The following PDZRN3 variants were observed in gnomAD, a reference collection of about 807,000 sequenced individuals.
PDZRN3 encodes the protein PDZ domain containing ring finger 3.
In PDZRN3, 38 loss-of-function variants were observed where a neutral mutation model predicts 85.7. That is an observed-to-expected ratio of 0.44 (90% CI 0.34 to 0.58). The LOEUF (loss-of-function observed/expected upper bound fraction) is 0.58, where lower values mean the gene tolerates loss of function less well. Ranked by LOEUF, PDZRN3 falls within the 20% of genes least tolerant of loss-of-function variation. The pLI, the probability that PDZRN3 is intolerant of heterozygous loss-of-function variation, is 0.01. For synonymous variants in PDZRN3, 759 were observed against 638.0 expected (o/e 1.19, Z -2.86); for missense variants, 1,629 against 1,506.4 (o/e 1.08, Z -1.35).
intron 3 of PDZRN3, among the ~76,000 whole-genome samples, chr3:73,499,141 G>A (rs920291342): frequency 6.6e-6 from 1 of 152,082 alleles, no homozygotes; most frequent in Non-Finnish European, 1.5e-5. Flanking sequence ...GAGTGTCCTG[G>A]ATCCCTTACC....
chr3:73,429,241 T>C (rs943613286), intron 3 of PDZRN3, among the ~76,000 whole-genome samples: 2 of 152,160 alleles, frequency 1.3e-5, no homozygotes, highest in African/African-American at 2.4e-5. Context: ...CATACCTACT[T>C]TGCCTAAATG....
intron 3 of PDZRN3, chr3:73,556,789 C>T (rs535960493): frequency 1.2e-4 from 19 of 152,392 alleles, no homozygotes; most frequent in African/African-American, 4.6e-4. Context: ...CAGTACGTTC[C>T]AGCCTGAGGG....
At chr3:73,481,413 G>A (rs539580029) in intron 3 of PDZRN3, among the ~76,000 whole-genome samples, 34 of 151,126 alleles carry the variant, frequency 2.2e-4, no homozygotes, top group African/African-American at 7.8e-4. Context: ...GTGTGATCTC[G>A]GCTCACCGCA....
At chr3:73,612,846 A>G (rs1702704305) in intron 1 of PDZRN3, among the ~76,000 whole-genome samples, 1 of 152,180 alleles carries the variant, frequency 6.6e-6, no homozygotes, top group African/African-American at 2.4e-5. Context: ...GGTTACTAGG[A>G]TGCATGACTG....
intron 3 of PDZRN3, among the ~76,000 whole-genome samples, chr3:73,442,459 G>A (rs954530445): frequency 9.2e-5 from 14 of 152,180 alleles, no homozygotes; most frequent in South Asian, 4.1e-4. Context: ...TACAGGGCAC[G>A]TGAACGTGAC....
intron 3 of PDZRN3, among the ~76,000 whole-genome samples, chr3:73,423,686 A>G (rs1396312068): frequency 2.0e-5 from 3 of 152,220 alleles, no homozygotes; most frequent in Non-Finnish European, 2.9e-5. Context: ...CTTTATATAT[A>G]TATTTTTAAA....
chr3:73,449,168 GGAAAT>G (rs1575661647), intron 3 of PDZRN3, among the ~76,000 whole-genome samples: 1 of 152,136 alleles, frequency 6.6e-6, no homozygotes, highest in East Asian at 1.9e-4. Flanking sequence ...TGTCAAAAAG[GGAAAT>G]GAAAAGAGGA....
chr3:73,622,250 G>C (rs115936851), intron 1 of PDZRN3, among the ~76,000 whole-genome samples: 25 of 152,326 alleles, frequency 1.6e-4, no homozygotes, highest in African/African-American at 5.8e-4. Context: ...CAGCTGCTGA[G>C]ACTGCAGCTG....
In PDZRN3 at chr3:73,497,500, G is replaced by A. The variant is rs1393730324; in HGVS notation, c.919-93105C>T. 4.6e-5 allele frequency among the ~76,000 whole-genome samples: 7 copies of A among 152,208 alleles called. No individual in the cohort carries two copies. The South Asian group carries it at 6.2e-4, about 14-fold the overall frequency. ...ATTCATTATCACTGCTGATATTAGAGGTGCATCCTGATTTAAGAAAACTCA... is the reference window on the plus strand; with the variant it reads ...ATTCATTATCACTGCTGATATTAGAAGTGCATCCTGATTTAAGAAAACTCA... On this transcript the variant is annotated intron_variant, in intron 3 of 9. Coordinates refer to ENST00000263666, the MANE Select transcript of PDZRN3 (RefSeq NM_015009.3).
chr3:73,467,063 A>T (rs1016610136), intron 3 of PDZRN3, among the ~76,000 whole-genome samples: 1 of 152,194 alleles, frequency 6.6e-6, no homozygotes, highest in African/African-American at 2.4e-5. Context: ...AGGGACTGTC[A>T]TCAGACCCTA....
In PDZRN3 at chr3:73,449,740, A is replaced by G. The variant is rs111359334; in HGVS notation, c.919-45345T>C. Among the ~76,000 whole-genome samples the G allele has an allele frequency of 1.4e-3, 219 of 152,356 alleles. 1 individual carries two copies. The highest frequency in any genetic ancestry group is 5.0e-3 in the African/African-American group (208 of 41,580). On this transcript the variant is annotated intron_variant, in intron 3 of 9. Coordinates refer to ENST00000263666, the MANE Select transcript of PDZRN3 (RefSeq NM_015009.3). ...GAATCCATCATTCAGTTAAACTGTA[A>G]TAAGTGGCAGCCTGGACTTTTATTC...
chr3:73,605,471 G>T lies in PDZRN3; in HGVS notation c.811-3010C>A, dbSNP rs190927617. On this transcript the variant is annotated intron_variant, in intron 2 of 9. Coordinates refer to ENST00000263666, the MANE Select transcript of PDZRN3 (RefSeq NM_015009.3). ...ACAGACTAGCTGCTGTTTCTTTAGG[G>T]TTATGAGGACTAACAAATGAATGAT... 4.2e-3 allele frequency among the ~76,000 whole-genome samples: 644 copies of T among 152,278 alleles called. 4 individuals are homozygous for T. The highest frequency in any genetic ancestry group is 8.5e-3 in the South Asian group (41 of 4,828).
chr3:73,433,738 T>C (rs1221334430), intron 3 of PDZRN3: 3 of 1,535,844 alleles, frequency 2.0e-6, no homozygotes, highest in Admixed American at 2.0e-5. Context: ...AAGGCTTCCG[T>C]TCTCGCCAGC....
At chr3:73,416,532 T>C (rs1474558096) in intron 3 of PDZRN3, among the ~76,000 whole-genome samples, 2 of 152,114 alleles carry the variant, frequency 1.3e-5, no homozygotes, top group South Asian at 4.1e-4. Flanking sequence ...TTGAGGACAC[T>C]GCCTACTATT....
rs1439255689 is a variant in PDZRN3, at chr3:73,458,972, A to G, written c.919-54577T>C. On this transcript the variant is annotated intron_variant, in intron 3 of 9. Transcript: ENST00000263666. ...GCACCACTGCACTCCAGCCCGGGCA[A>G]CAGAGCAAAACTCCATCTCAAACAA... Among the ~76,000 whole-genome samples the G allele has an allele frequency of 2.7e-5, 4 of 150,142 alleles. No individual in the cohort carries two copies. In the East Asian group the frequency reaches 7.9e-4, roughly 30 times the overall value.
At chr3:73,455,685 T>A (rs1486036859) in intron 3 of PDZRN3, among the ~76,000 whole-genome samples, 1 of 152,232 alleles carries the variant, frequency 6.6e-6, no homozygotes, top group African/African-American at 2.4e-5. Context: ...AAGGATGGGA[T>A]GTAATATGCT....
At chr3:73,415,439 A>AGAAAAT (rs1702058140) in intron 3 of PDZRN3, among the ~76,000 whole-genome samples, 1 of 152,192 alleles carries the variant, frequency 6.6e-6, no homozygotes, top group Non-Finnish European at 1.5e-5. Flanking sequence ...CTTTGTTTTT[A>AGAAAAT]AAAAATATTT....
At chr3:73,475,633 C>T (rs534094562) in intron 3 of PDZRN3, among the ~76,000 whole-genome samples, 52 of 152,282 alleles carry the variant, frequency 3.4e-4, no homozygotes, top group Middle Eastern at 3.4e-3. Flanking sequence ...CCCAGAAAAT[C>T]GGGGGAAAAC....
At chr3:73,534,719 T>C (rs1369683698) in intron 3 of PDZRN3, among the ~76,000 whole-genome samples, 1 of 152,248 alleles carries the variant, frequency 6.6e-6, no homozygotes, top group Non-Finnish European at 1.5e-5. Flanking sequence ...GATTTCCTAT[T>C]CTTCTCTTCA....
Sources: gnomAD v4.1 joint callset for allele counts (sites outside exome capture counted in the v4.1 genomes callset) on GRCh38, gnomAD v4.1.1 for gene constraint, MANE v1.5 for transcripts, NCBI Gene and HGNC (gene_info 2026-07-23, HGNC 2026-07-21) for gene names.